Variants in VWA3B observed in about 807,000 individuals in gnomAD.
VWA3B encodes the protein von Willebrand factor A domain containing 3B, also known as von Willebrand factor A domain-containing protein 3B.
In VWA3B, 138 loss-of-function variants were observed where a neutral mutation model predicts 158.3. The ratio of observed to expected loss-of-function variants is 0.87; its 90% CI spans 0.76 to 1.00. The LOEUF is 1.00. VWA3B is among the 50% of genes least tolerant of loss of function. VWA3B has a pLI of 0.00. For missense variants in VWA3B, 1,555 were observed against 1,565.1 expected, an observed-to-expected ratio of 0.99 and a Z score of 0.11; for synonymous variants, 596 against 587.3, an observed-to-expected ratio of 1.01 and a Z score of -0.21.
intron 7 of VWA3B, among the ~76,000 whole-genome samples, chr2:98,139,804 G>C (rs562426835): frequency 5.3e-5 from 8 of 152,282 alleles, no homozygotes; most frequent in African/African-American, 1.7e-4. Context: ...CCAGATAAGA[G>C]AATAAAAGCA....
intron 9 of VWA3B, among the ~76,000 whole-genome samples, chr2:98,183,955 T>C (rs181482601): frequency 1.4e-4 from 21 of 152,350 alleles, no homozygotes; most frequent in Admixed American, 1.3e-3. Context: ...TGAGTCAGAA[T>C]TGAGCATTTA....
rs769943747 is a variant in VWA3B, at chr2:98,133,881, G to T, written c.930G>T (p.Lys310Asn). 1.2e-6 allele frequency: 2 copies of T among 1,614,106 alleles called. No homozygotes were observed. The highest frequency in any genetic ancestry group is 1.7e-6 in the Non-Finnish European group (2 of 1,180,016). Residue 310 changes from lysine to asparagine, a missense_variant, in exon 7 of 28, where the codon AAG becomes AAT. Physicochemically the swap from Lys to Asn is moderately conservative, Grantham distance 94 (BLOSUM62 0). Coordinates refer to ENST00000477737, the MANE Select transcript of VWA3B (RefSeq NM_144992.5). ...TAGAATTTCCTGCATTCTCCACAAA[G>T]GATGGTGACAATGTGATGACTTGGA... ...ECVEFPAFST[K>N]DGDNVMTWNS... is the part of the protein sequence containing the mutation.
chr2:98,120,036 A>T (rs1440978366), intron 4 of VWA3B, among the ~76,000 whole-genome samples: 1 of 152,232 alleles, frequency 6.6e-6, no homozygotes, highest in African/African-American at 2.4e-5. Context: ...AAATATAAGA[A>T]TATGAGTTAT....
At position 98,312,879 on chromosome 2, in the gene VWA3B, G is replaced by A. The variant is rs1310638179; in HGVS notation, c.*530G>A. 2 of 152,542 alleles carry A rather than the reference G, an allele frequency of 1.3e-5. No individual in the cohort carries two copies. Among genetic ancestry groups the A allele is most frequent in the African/African-American group, 4.8e-5 (2 of 41,406 alleles). The allele number at this position is 152,542 out of a possible 1,614,324, so 9.4% of individuals were successfully genotyped here. A position where few individuals can be genotyped will look rare whatever the true frequency, so the allele number is the denominator to read the frequency against. ...TCCTAATTATTTTTGTCTATAGTCT[G>A]TTGTAGGTAACTCTAATTGAGCCCG... On this transcript the variant is annotated 3_prime_UTR_variant, in exon 28 of 28. Transcript: ENST00000477737.
At chr2:98,317,269 C>A (rs1190107139), downstream of VWA3B, among the ~76,000 whole-genome samples, 1 of 152,132 alleles carries the variant, frequency 6.6e-6, no homozygotes, top group African/African-American at 2.4e-5. Flanking sequence ...AAAACAACAG[C>A]AAACGTTTTA....
chr2:98,131,299 G>C (rs1675852357), intron 6 of VWA3B, among the ~76,000 whole-genome samples: 1 of 152,098 alleles, frequency 6.6e-6, no homozygotes, highest in East Asian at 1.9e-4. Context: ...TCTTTTTGTG[G>C]CTGAATAGTA....
chr2:98,089,834 A>T (rs1294075240), intron 1 of VWA3B, among the ~76,000 whole-genome samples: 1 of 152,074 alleles, frequency 6.6e-6, no homozygotes, highest in Non-Finnish European at 1.5e-5. Flanking sequence ...TTAAAAATTA[A>T]TTTTTTAAAA....
rs114814072 is a variant in VWA3B at position 98,147,436 on chromosome 2, C to T, written c.988+13497C>T. Among the ~76,000 whole-genome samples the T allele has an allele frequency of 6.2e-3, 947 of 152,242 alleles. 12 individuals carry two copies. Among genetic ancestry groups the T allele is most frequent in the African/African-American group, 0.022 (901 of 41,532 alleles). On this transcript the variant is annotated intron_variant, in intron 7 of 27. Coordinates refer to ENST00000477737, the MANE Select transcript of VWA3B (RefSeq NM_144992.5). ...TTTTGGTATATTTCCTACAGGTCTT[C>T]TCACTATATACTTAAAAATAATTAA...
rs1183055265 is a variant in VWA3B at position 98,287,985 on chromosome 2, T to C, written c.3046-2526T>C. On this transcript the variant is annotated intron_variant, in intron 22 of 27. Coordinates refer to ENST00000477737, the MANE Select transcript of VWA3B (RefSeq NM_144992.5). Reference sequence around the variant, plus strand: ...ATTTCCATTTTAATTTAATAGTTTCTATTTCTCTGCTGAAACAAAAAACTA... The same window carrying C: ...ATTTCCATTTTAATTTAATAGTTTCCATTTCTCTGCTGAAACAAAAAACTA... 2.6e-5 allele frequency among the ~76,000 whole-genome samples: 4 copies of C among 152,326 alleles called. No homozygotes were observed. The East Asian group carries it at 5.8e-4, about 22-fold the overall frequency.
chr2:98,108,776 CT>C (rs1175095661), intron 2 of VWA3B, among the ~76,000 whole-genome samples: 1 of 151,444 alleles, frequency 6.6e-6, no homozygotes, highest in Non-Finnish European at 1.5e-5. Flanking sequence ...ATTGTTGAGT[CT>C]TTTTAAAAAA....
chr2:98,132,910 C>G (rs1675989566), intron 6 of VWA3B, among the ~76,000 whole-genome samples: 1 of 152,162 alleles, frequency 6.6e-6, no homozygotes, highest in African/African-American at 2.4e-5. Flanking sequence ...GGTGGGTTCC[C>G]TAGACTTCTC....
chr2:98,182,657 C>T (rs866629173), intron 9 of VWA3B, among the ~76,000 whole-genome samples: 1 of 152,230 alleles, frequency 6.6e-6, no homozygotes, highest in South Asian at 2.1e-4. Context: ...TGGTGGCTTA[C>T]GTCTGTAATC....
intron 19 of VWA3B, among the ~76,000 whole-genome samples, chr2:98,247,986 A>G (rs1288338448): frequency 2.0e-5 from 3 of 152,116 alleles, no homozygotes; most frequent in South Asian, 2.1e-4. Flanking sequence ...AGTCTGCAGT[A>G]CTATCTATCA....
chr2:98,312,044 G>C lies in VWA3B; in HGVS notation c.3735+12G>C, dbSNP rs374561862. 3.9e-6 allele frequency: 6 copies of C among 1,523,762 alleles called. No homozygotes were observed. In the African/African-American group the frequency reaches 5.5e-5, roughly 14 times the overall value. The allele number at this position is 1,523,762 out of a possible 1,614,324, so 94.4% of individuals were successfully genotyped here. A position where few individuals can be genotyped will look rare whatever the true frequency, so the allele number is the denominator to read the frequency against. On this transcript the variant is annotated intron_variant, in intron 27 of 27. Transcript: ENST00000477737. The stretch of plus-strand genomic sequence containing the variant: ...ACCCCGAGCCCAGGGTTTGGGTGAT[G>C]GGGGGGGAACACAACATCGCTTATC...
chr2:98,179,145 G>C (rs552351188), intron 8 of VWA3B: 80 of 463,344 alleles, frequency 1.7e-4, no homozygotes, highest in Non-Finnish European at 3.4e-4. Context: ...ATGGAGTTGG[G>C]AGATGTGCAC....
At chr2:98,162,755 C>A in intron 7 of VWA3B, 96 bp from the exon 8 acceptor site, 1 of 1,496,210 alleles carries the variant, frequency 6.7e-7, no homozygotes. Context: ...AGAAATGTTC[C>A]AGAAACTTGG....
At chr2:98,280,570 C>T (rs540211442) in intron 22 of VWA3B, among the ~76,000 whole-genome samples, 1 of 152,212 alleles carries the variant, frequency 6.6e-6, no homozygotes, top group Non-Finnish European at 1.5e-5. Context: ...CGGCACAAAG[C>T]GCTACCAGCT....
chr2:98,246,994 A>G (rs1188687100), intron 19 of VWA3B, among the ~76,000 whole-genome samples: 3 of 151,816 alleles, frequency 2.0e-5, no homozygotes, highest in Non-Finnish European at 4.4e-5. Context: ...AAAAGTTTTA[A>G]TGTAATGACA....
At position 98,248,879 on chromosome 2, in the gene VWA3B, CTTTCTCTCTTTCCTTT is replaced by C. The variant is rs1686605462; in HGVS notation, c.2674-1438_2674-1423del. On this transcript the variant is annotated intron_variant, in intron 19 of 27. Coordinates refer to ENST00000477737, the MANE Select transcript of VWA3B (RefSeq NM_144992.5). ...TCTTTCTTTCTTTCTTTCTTTCTTT[CTTTCTCTCTTTCCTTT>C]CTTTCTTCTTTCTTTCTCTCCTTCC... is the stretch of plus-strand genomic sequence containing the variant. 2.9e-4 allele frequency among the ~76,000 whole-genome samples: 10 copies of C among 34,540 alleles called. No individual in the cohort carries two copies. The East Asian group carries it at 6.6e-3, about 23-fold the overall frequency. The allele number at this position is 34,540 out of a possible 152,430, so 22.7% of individuals were successfully genotyped here.
Sources: allele counts gnomAD v4.1 joint callset (sites outside exome capture counted in the v4.1 genomes callset), GRCh38; gene constraint gnomAD v4.1.1; transcripts MANE v1.5; gene names NCBI Gene and HGNC (gene_info 2026-07-23, HGNC 2026-07-21).